NUDT3: variants seen among roughly 807,000 people sequenced by gnomAD.
The protein encoded by NUDT3 is nudix hydrolase 3.
A neutral mutation model predicts 23.6 loss-of-function variants in NUDT3; 9 were observed. The observed-to-expected ratio is 0.38, with a 90% CI of 0.23 to 0.66. The LOEUF (loss-of-function observed/expected upper bound fraction) is 0.66, where lower values mean the gene tolerates loss of function less well. Among genes scored for constraint, NUDT3 ranks in the 30% least tolerant of loss-of-function variants. The pLI is 0.52. For synonymous variants in NUDT3, 86 were observed against 82.6 expected, an observed-to-expected ratio of 1.04 and a Z score of -0.22; for missense variants, 172 against 218.5, an observed-to-expected ratio of 0.79 and a Z score of 1.34.
At chr6:34,298,515 A>C (rs1292731786) in intron 2 of NUDT3, among the ~76,000 whole-genome samples, 1 of 150,430 alleles carries the variant, frequency 6.6e-6, no homozygotes, top group Non-Finnish European at 1.5e-5. Flanking sequence ...AAATGTGTAA[A>C]ATCTAGTGTA....
intron 2 of NUDT3, among the ~76,000 whole-genome samples, chr6:34,339,549 T>C (rs1009450996): frequency 6.6e-6 from 1 of 152,250 alleles, no homozygotes; most frequent in Non-Finnish European, 1.5e-5. Context: ...TCCTGGCTGA[T>C]GCTGATGTTG....
intron 2 of NUDT3, among the ~76,000 whole-genome samples, chr6:34,333,274 T>C (rs748051775): frequency 1.3e-5 from 2 of 152,250 alleles, no homozygotes; most frequent in Non-Finnish European, 2.9e-5. Flanking sequence ...ATTCAGCCAA[T>C]ATGCTAAAAT....
chr6:34,378,694 G>C (rs542057531), intron 1 of NUDT3, among the ~76,000 whole-genome samples: 1 of 152,192 alleles, frequency 6.6e-6, no homozygotes, highest in South Asian at 2.1e-4. Flanking sequence ...CCATCCCTTT[G>C]GCCTCCTCAG....
intron 1 of NUDT3, among the ~76,000 whole-genome samples, chr6:34,371,998 G>C (rs1200836887): frequency 6.6e-6 from 1 of 152,198 alleles, no homozygotes; most frequent in Admixed American, 6.5e-5. Context: ...GCAGTGTTTG[G>C]TTTTCTGTCC....
intron 1 of NUDT3, among the ~76,000 whole-genome samples, chr6:34,383,226 C>T (rs1765052518): frequency 6.6e-6 from 1 of 151,866 alleles, no homozygotes; most frequent in African/African-American, 2.4e-5. Context: ...TTTTATTCAT[C>T]ATTGCTAAGC....
chr6:34,281,006 G>C lies in NUDT3; in HGVS notation c.*7747C>G, dbSNP rs142772793. ...TTGCCTCAACCCACGGGGTTCCCTG[G>C]AAACATTTGTTGAACTTGGCCAAGA... On this transcript the variant is annotated 3_prime_UTR_variant, in exon 5 of 5. Transcript: ENST00000607016. 9.8e-5 allele frequency: 15 copies of C among 152,288 alleles called. No individual in the cohort carries two copies. Among genetic ancestry groups the C allele is most frequent in the Non-Finnish European group, 1.9e-4 (13 of 68,020 alleles). The allele number at this position is 152,288 out of a possible 1,614,324, so 9.4% of individuals were successfully genotyped here.
chr6:34,376,531 C>G (rs1475034757), intron 1 of NUDT3, among the ~76,000 whole-genome samples: 1 of 152,162 alleles, frequency 6.6e-6, no homozygotes, highest in Non-Finnish European at 1.5e-5. Flanking sequence ...CCTGCTTCCG[C>G]CTCCCAAAGT....
At chr6:34,309,993 G>A (rs1453448797) in intron 2 of NUDT3, among the ~76,000 whole-genome samples, 1 of 152,074 alleles carries the variant, frequency 6.6e-6, no homozygotes. Flanking sequence ...AGCACTTTGG[G>A]ACGCTGAGGT....
At chr6:34,322,562 G>A (rs1458636681) in intron 2 of NUDT3, among the ~76,000 whole-genome samples, 1 of 152,092 alleles carries the variant, frequency 6.6e-6, no homozygotes. Context: ...GTATCTTTGG[G>A]GACAGGCATA....
intron 1 of NUDT3, among the ~76,000 whole-genome samples, chr6:34,391,814 T>C (rs926047344): frequency 7.8e-6 from 1 of 127,824 alleles, no homozygotes; most frequent in South Asian, 2.7e-4. Context: ...AACCTGCCAA[T>C]GAAGTGCACT....
At chr6:34,323,218 C>A (rs544532799) in intron 2 of NUDT3, among the ~76,000 whole-genome samples, 1 of 151,820 alleles carries the variant, frequency 6.6e-6, no homozygotes. Context: ...GCACATGTAT[C>A]CCCCAAATCT....
intron 1 of NUDT3, among the ~76,000 whole-genome samples, chr6:34,362,600 G>C (rs1478454183): frequency 6.6e-6 from 1 of 151,966 alleles, no homozygotes; most frequent in African/African-American, 2.4e-5. Flanking sequence ...GAGTAGCTGG[G>C]GCCTGCCACC....
chr6:34,378,917 T>C (rs1229391015), intron 1 of NUDT3, among the ~76,000 whole-genome samples: 3 of 152,238 alleles, frequency 2.0e-5, no homozygotes, highest in African/African-American at 7.2e-5. Context: ...CACCATTGTG[T>C]ATGCTTATTG....
chr6:34,293,404 G>C, intron 4 of NUDT3, 47 bp downstream of exon 4: 1 of 1,610,386 alleles, frequency 6.2e-7, no homozygotes, highest in South Asian at 1.1e-5. Context: ...GGCATGGCAA[G>C]GGCTGGTTGT....
chr6:34,385,259 C>A (rs1765086634), intron 1 of NUDT3, among the ~76,000 whole-genome samples: 1 of 152,046 alleles, frequency 6.6e-6, no homozygotes, highest in Non-Finnish European at 1.5e-5. Context: ...AGTTCCAGAC[C>A]AGTCTGGGAA....
At chr6:34,297,730 A>AT (rs1186809983) in intron 2 of NUDT3, among the ~76,000 whole-genome samples, 135 of 71,974 alleles carry the variant, frequency 1.9e-3, no homozygotes, top group African/African-American at 2.8e-3. Context: ...AAAAAAAAAA[A>AT]ATATATATAT....
At chr6:34,297,741 A>T (rs1581849985) in intron 2 of NUDT3, among the ~76,000 whole-genome samples, 2 of 100,882 alleles carry the variant, frequency 2.0e-5, no homozygotes, top group Non-Finnish European at 3.6e-5. Context: ...ATATATATAT[A>T]TATATATATA....
intron 1 of NUDT3, among the ~76,000 whole-genome samples, chr6:34,353,440 A>ATTT (rs11355875): frequency 2.1e-5 from 3 of 143,078 alleles, no homozygotes; most frequent in Non-Finnish European, 1.5e-5. Context: ...ACTCCCAAGT[A>ATTT]TTTTTTTTTT....
intron 1 of NUDT3, among the ~76,000 whole-genome samples, chr6:34,378,414 G>A (rs1424274397): frequency 6.6e-6 from 1 of 152,174 alleles, no homozygotes; most frequent in East Asian, 1.9e-4. Context: ...TGGTGCACTG[G>A]ATTAGTTGAG....
Sources: gnomAD v4.1 joint callset for allele counts (sites outside exome capture counted in the v4.1 genomes callset) on GRCh38, gnomAD v4.1.1 for gene constraint, MANE v1.5 for transcripts, NCBI Gene and HGNC (gene_info 2026-07-23, HGNC 2026-07-21) for gene names.